Variants in SYNE1 observed in about 807,000 individuals in gnomAD.
SYNE1 encodes the protein nesprin-1.
In SYNE1, 616 loss-of-function variants were observed where a neutral mutation model predicts 1,111.0. The observed-to-expected ratio is 0.55, with a 90% CI of 0.52 to 0.59. The LOEUF (loss-of-function observed/expected upper bound fraction) is 0.59, where lower values mean the gene tolerates loss of function less well. Ranked by LOEUF, SYNE1 falls within the 20% of genes least tolerant of loss-of-function variation. SYNE1 has a pLI of 0.00. For synonymous variants in SYNE1, 3,855 were observed against 3,825.8 expected (o/e 1.01, Z -0.28); for missense variants, 10,006 against 10,417.0 (o/e 0.96, Z 1.72).
chr6:152,168,511 AAAC>A (rs35433870), intron 130 of SYNE1: 30,601 of 318,148 alleles, frequency 0.096, 1,908 homozygotes, highest in Admixed American at 0.15. Flanking sequence ...AGGACAGCAA[AAAC>A]AACATCGGCT....
At chr6:152,303,591 A>G (rs2095276829) in intron 91 of SYNE1, among the ~76,000 whole-genome samples, 1 of 152,020 alleles carries the variant, frequency 6.6e-6, no homozygotes, top group Non-Finnish European at 1.5e-5. Flanking sequence ...TCTTAGATAC[A>G]AAATTCACAG....
rs761624684 is a variant in SYNE1, at chr6:152,404,356, A to T, written c.6724-42T>A. 14 of 1,422,068 alleles carry T rather than the reference A, an allele frequency of 9.8e-6. No homozygotes were observed. The African/African-American group carries it at 1.3e-4, about 13-fold the overall frequency. The allele number at this position is 1,422,068 out of a possible 1,614,324, so 88.1% of individuals were successfully genotyped here. ...AACATAACTAATCAAAAACACTGAC[A>T]TGCTATATTTGGCATTTAATAATTT... On this transcript the variant is annotated intron_variant, in intron 45 of 145. Transcript: ENST00000367255.
chr6:152,606,976 C>CTTTTTTTTTTTTTTTTTTTTTTT (rs11387272), intron 3 of SYNE1, among the ~76,000 whole-genome samples: 5 of 109,132 alleles, frequency 4.6e-5, no homozygotes, highest in African/African-American at 1.9e-4. Context: ...TGCCTCGGTT[C>CTTTTTTTTTTTTTTTTTTTTTTT]TCTTTTTTTT....
Position 152,148,366 on chromosome 6 carries a change from C to T in SYNE1, c.24655G>A (p.Glu8219Lys). 1.2e-6 allele frequency: 2 copies of T among 1,613,882 alleles called. No individual in the cohort carries two copies. Among genetic ancestry groups the T allele is most frequent in the Non-Finnish European group, 1.7e-6 (2 of 1,179,966 alleles). The change falls in exon 137 of 146, where the codon GAG (glutamate) becomes AAG (lysine). Residue 8219 changes from glutamate (E) to lysine (K), a missense_variant. Transcript: ENST00000367255. This position sits in a 1 kb window ranked among gnomAD's most constrained non-coding sequence, Gnocchi z 4.1. ...KLIRLPLPDD[E>K]HDLSDRELEL... ...AGCTCCCTGTCTGAGAGGTCGTGCT[C>T]ATCGTCTGGGAGCTAGAAGGGAAGT...
chr6:152,474,451 G>A (rs1363476268), intron 14 of SYNE1, among the ~76,000 whole-genome samples: 1 of 152,150 alleles, frequency 6.6e-6, no homozygotes, highest in Non-Finnish European at 1.5e-5. Flanking sequence ...GAGAGATTGA[G>A]TCTTACAATG....
chr6:152,262,438 G>A (rs535187914), intron 100 of SYNE1, among the ~76,000 whole-genome samples: 1 of 152,220 alleles, frequency 6.6e-6, no homozygotes, highest in South Asian at 2.1e-4. Context: ...TGTAACATTT[G>A]GAATAAAAAA....
intron 141 of SYNE1, among the ~76,000 whole-genome samples, chr6:152,135,756 C>T (rs1585787984): frequency 6.6e-6 from 1 of 152,328 alleles, no homozygotes; most frequent in Admixed American, 6.5e-5. Flanking sequence ...TATTATATTA[C>T]TCTTGGGGCA....
intron 98 of SYNE1, among the ~76,000 whole-genome samples, chr6:152,275,738 T>A (rs1022565520): frequency 8.5e-6 from 1 of 118,174 alleles, no homozygotes; most frequent in Non-Finnish European, 1.7e-5. Context: ...AAAAATTAGC[T>A]AGGCAGGTGG....
At position 152,244,657 on chromosome 6, in the gene SYNE1, C is replaced by T; in HGVS notation, c.19573-1G>A. ...GTCCATCTTCAGCCTGTTGTATTGC[C>T]TAAGTAAGATCCATGACATTTTATT... On this transcript the variant is annotated splice_acceptor_variant, in intron 105 of 145. Coordinates refer to ENST00000367255, the MANE Select transcript of SYNE1 (RefSeq NM_182961.4). LOFTEE classifies it high-confidence loss of function. The T allele has an allele frequency of 6.2e-7, 1 of 1,613,820 alleles. No individual in the cohort carries two copies. Among genetic ancestry groups the T allele is most frequent in the Non-Finnish European group, 8.5e-7 (1 of 1,179,822 alleles).
At chr6:152,155,813 T>C in intron 132 of SYNE1, 97 bp downstream of exon 132, 1 of 1,468,884 alleles carries the variant, frequency 6.8e-7, no homozygotes, top group East Asian at 2.4e-5. Context: ...TTGGACATTG[T>C]AACGAACAGG....
At chr6:152,153,214 T>A (rs1156365648) in intron 133 of SYNE1, among the ~76,000 whole-genome samples, 1 of 152,142 alleles carries the variant, frequency 6.6e-6, no homozygotes, top group Non-Finnish European at 1.5e-5. Context: ...TAGCTTCCAG[T>A]CTAAAAACCT....
intron 63 of SYNE1, among the ~76,000 whole-genome samples, chr6:152,363,365 G>A (rs1200072756): frequency 2.0e-5 from 3 of 149,880 alleles, no homozygotes; most frequent in South Asian, 4.2e-4. Flanking sequence ...ATGGTGGCGG[G>A]CGCCTGTAGT....
rs1180331950 is a variant in SYNE1, at chr6:152,605,031, AGAGAGG to A, written c.67+23228_67+23233del. ...AAGAGAGAGAGAGAGAGAGAGAGAGAGAGAGGGAGGGAGGGAGGGAGGGAGGGAGGG... is the reference window on the plus strand; with the variant it reads ...AAGAGAGAGAGAGAGAGAGAGAGAGAGAGGGAGGGAGGGAGGGAGGGAGGG... On this transcript the variant is annotated intron_variant, in intron 3 of 145. Coordinates refer to ENST00000367255, the MANE Select transcript of SYNE1 (RefSeq NM_182961.4). 6.7e-4 allele frequency among the ~76,000 whole-genome samples: 38 copies of A among 56,502 alleles called. 1 individual carries two copies. The highest frequency in any genetic ancestry group is 1.1e-3 in the South Asian group (1 of 938). The allele number at this position is 56,502 out of a possible 152,430, so 37.1% of individuals were successfully genotyped here.
At chr6:152,271,620 T>A (rs1240564785) in intron 98 of SYNE1, among the ~76,000 whole-genome samples, 3 of 152,210 alleles carry the variant, frequency 2.0e-5, no homozygotes, top group Non-Finnish European at 4.4e-5. Flanking sequence ...CTGGAACCCA[T>A]GATTTTCTGC....
At position 152,539,946 on chromosome 6, in the gene SYNE1, G is replaced by C. The variant is rs764364899; in HGVS notation, c.129+14C>G. 1.2e-6 allele frequency: 2 copies of C among 1,613,610 alleles called. No individual in the cohort carries two copies. The highest frequency in any genetic ancestry group is 8.5e-7 in the Non-Finnish European group (1 of 1,179,734). On this transcript the variant is annotated intron_variant, in intron 4 of 145. Coordinates refer to ENST00000367255, the MANE Select transcript of SYNE1 (RefSeq NM_182961.4). ...AACCTAAGTAAACCTGTAATGCTGG[G>C]TAGTTTCCTTTACCTTGGCCAGATG... is the stretch of plus-strand genomic sequence containing the variant.
intron 3 of SYNE1, among the ~76,000 whole-genome samples, chr6:152,623,459 A>G (rs181630086): frequency 8.5e-5 from 13 of 152,290 alleles, no homozygotes; most frequent in Admixed American, 8.5e-4. Flanking sequence ...TGACACAGGC[A>G]CAGACAAAGA....
intron 3 of SYNE1, among the ~76,000 whole-genome samples, chr6:152,615,546 G>A (rs1583475360): frequency 6.6e-6 from 1 of 151,934 alleles, no homozygotes; most frequent in Non-Finnish European, 1.5e-5. Context: ...GTTTTGAAAA[G>A]GAGCCATTTT....
intron 100 of SYNE1, among the ~76,000 whole-genome samples, chr6:152,263,015 G>A (rs544837169): frequency 7.4e-4 from 112 of 150,870 alleles, no homozygotes; most frequent in African/African-American, 2.6e-3. Context: ...TACAGGACAC[G>A]GAAAGATAGT....
chr6:152,234,930 T>G, intron 110 of SYNE1, 130 bp from the exon 111 acceptor site: 1 of 1,061,638 alleles, frequency 9.4e-7, no homozygotes, highest in South Asian at 1.4e-5. Context: ...TGCATGAGGT[T>G]GGCACTCTGA....
Sources: allele counts gnomAD v4.1 joint callset (sites outside exome capture counted in the v4.1 genomes callset), GRCh38; gene constraint gnomAD v4.1.1; non-coding constraint Gnocchi (gnomAD v3.1); transcripts MANE v1.5; gene names NCBI Gene and HGNC (gene_info 2026-07-23, HGNC 2026-07-21).